The following PDZD2 variants were observed in gnomAD, a reference collection of about 807,000 sequenced individuals.
PDZD2 encodes PDZ domain containing 2.
PDZD2 carries 90 observed loss-of-function variants against 220.7 expected under a neutral mutation model. The observed-to-expected ratio is 0.41, with a 90% CI of 0.34 to 0.49. PDZD2 has a LOEUF of 0.49. Among genes scored for constraint, PDZD2 ranks in the 20% least tolerant of loss-of-function variants. The pLI is 0.28. For missense variants in PDZD2, 3,174 were observed against 3,608.5 expected (o/e 0.88, Z 3.08); for synonymous variants, 1,375 against 1,450.5 (o/e 0.95, Z 1.18).
At chr5:31,825,685 G>A (rs1756164963) in intron 2 of PDZD2, among the ~76,000 whole-genome samples, 1 of 152,136 alleles carries the variant, frequency 6.6e-6, no homozygotes, top group Non-Finnish European at 1.5e-5. Context: ...GCCTCTGGAG[G>A]GCACTATTCA....
chr5:32,064,743 G>A (rs1423125077), intron 14 of PDZD2, among the ~76,000 whole-genome samples: 1 of 151,194 alleles, frequency 6.6e-6, no homozygotes, highest in African/African-American at 2.4e-5. Flanking sequence ...CAAGGTGGGT[G>A]GATCACTTGA....
intron 1 of PDZD2, among the ~76,000 whole-genome samples, chr5:31,754,890 C>G (rs1321339829): frequency 2.6e-5 from 4 of 152,202 alleles, no homozygotes; most frequent in Admixed American, 2.6e-4. Context: ...CCTAGAACAA[C>G]ATTTGGTGTG....
intron 2 of PDZD2, among the ~76,000 whole-genome samples, chr5:31,815,242 T>C (rs868736652): frequency 1.6e-4 from 14 of 89,994 alleles, no homozygotes; most frequent in Middle Eastern, 7.6e-3. Context: ...CAAAACTCTG[T>C]CTCAAAAAAA....
Position 32,089,876 on chromosome 5 carries a change from A to T in PDZD2, c.6428A>T (p.His2143Leu). Reference sequence around the variant, plus strand: ...CAGGTCGCAGAATCATCCACAAGTCATCCATCCTCACTCCCATCTCATGCC... The same window carrying T: ...CAGGTCGCAGAATCATCCACAAGTCTTCCATCCTCACTCCCATCTCATGCC... ...YRQVAESSTS[H>L]PSSLPSHASQ... The change falls in exon 20 of 25, where the codon CAT becomes CTT. Residue 2143 changes from histidine (H) to leucine (L), a missense_variant. Physicochemically the swap from His to Leu is moderately conservative, Grantham distance 99. This residue lies in a region of PDZD2 where 1,861 missense variants were observed against 2,001.0 expected (regional missense o/e 0.93). Coordinates refer to ENST00000438447, the MANE Select transcript of PDZD2 (RefSeq NM_178140.4). The T allele has an allele frequency of 1.9e-6, 3 of 1,613,132 alleles. No individual in the cohort carries two copies. The highest frequency in any genetic ancestry group is 2.5e-6 in the Non-Finnish European group (3 of 1,179,378).
At chr5:31,649,767 G>T (rs755056137) in intron 1 of PDZD2, among the ~76,000 whole-genome samples, 1 of 151,562 alleles carries the variant, frequency 6.6e-6, no homozygotes, top group African/African-American at 2.4e-5. Context: ...GTGAAACCGC[G>T]TCTCTACTAA....
chr5:31,947,852 TGAGAGAGAGAAA>T (rs1746788308), intron 2 of PDZD2, among the ~76,000 whole-genome samples: 1 of 144,288 alleles, frequency 6.9e-6, no homozygotes, highest in Non-Finnish European at 1.5e-5. Flanking sequence ...ATGGGGACAG[TGAGAGAGAGAAA>T]GAGAGAGAGA....
At chr5:31,822,906 T>C (rs1755972060) in intron 2 of PDZD2, 4 of 868,634 alleles carry the variant, frequency 4.6e-6, no homozygotes, top group Non-Finnish European at 7.4e-6. Context: ...TCATGTTCTG[T>C]GCATAACTAC....
chr5:31,802,699 T>C (rs1754462456), intron 2 of PDZD2, among the ~76,000 whole-genome samples: 1 of 152,086 alleles, frequency 6.6e-6, no homozygotes, highest in Admixed American at 6.5e-5. Flanking sequence ...GGCGGGCAGA[T>C]CACAAGGTCA....
chr5:31,661,406 A>G (rs1182194037), intron 1 of PDZD2: 2 of 152,230 alleles, frequency 1.3e-5, no homozygotes, highest in Non-Finnish European at 2.9e-5. Flanking sequence ...AACAGCAGAT[A>G]CGCATCAAAA....
At chr5:31,690,736 C>A (rs995282096) in intron 1 of PDZD2, among the ~76,000 whole-genome samples, 3 of 152,176 alleles carry the variant, frequency 2.0e-5, no homozygotes, top group Non-Finnish European at 4.4e-5. Context: ...CCTGGATAAT[C>A]CAGGACAAGC....
chr5:31,984,541 C>T (rs760462764), intron 3 of PDZD2, among the ~76,000 whole-genome samples: 1 of 152,100 alleles, frequency 6.6e-6, no homozygotes, highest in Non-Finnish European at 1.5e-5. Context: ...TCAAAATGGG[C>T]GTAGGAGTAT....
intron 17 of PDZD2, 137 bp from the exon 18 acceptor site, chr5:32,073,695 G>C: frequency 1.4e-6 from 1 of 692,706 alleles, no homozygotes; most frequent in Non-Finnish European, 2.6e-6. Flanking sequence ...CCTAGGCCTT[G>C]TGTCCAGTGG....
intron 2 of PDZD2, among the ~76,000 whole-genome samples, chr5:31,980,078 A>G (rs1447883164): frequency 6.6e-6 from 1 of 152,202 alleles, no homozygotes; most frequent in Non-Finnish European, 1.5e-5. Context: ...ACATAACAGA[A>G]AATTCACCAT....
Position 31,749,866 on chromosome 5 carries a change from C to G in PDZD2, c.-360-49023C>G, listed in dbSNP as rs565353946. Among the ~76,000 whole-genome samples, 91 of 152,322 alleles carry G rather than the reference C, an allele frequency of 6.0e-4. 1 individual carries two copies. In the South Asian group the frequency reaches 0.019, roughly 31 times the overall value. On this transcript the variant is annotated intron_variant, in intron 1 of 24. Transcript: ENST00000438447. The stretch of plus-strand genomic sequence containing the variant: ...CCCCAGGTGAGCCGCGCGTGGCTTC[C>G]CCTTCCCGGTGAGGCTCTCAGTGGG...
chr5:31,722,229 C>T (rs1748850740), intron 1 of PDZD2, among the ~76,000 whole-genome samples: 1 of 152,136 alleles, frequency 6.6e-6, no homozygotes, highest in Non-Finnish European at 1.5e-5. Flanking sequence ...AAATTCAAGG[C>T]CTTGCATGAG....
At chr5:32,008,522 G>C (rs1753035486) in intron 5 of PDZD2, among the ~76,000 whole-genome samples, 1 of 152,040 alleles carries the variant, frequency 6.6e-6, no homozygotes, top group Admixed American at 6.6e-5. Flanking sequence ...CTGACCTCAG[G>C]TGATCCACCC....
intron 2 of PDZD2, chr5:31,855,163 C>T (rs1758335851): frequency 1.0e-6 from 1 of 968,156 alleles, no homozygotes; most frequent in South Asian, 4.8e-5. Flanking sequence ...GACTTCAGAA[C>T]TGGAGGTAGG....
intron 1 of PDZD2, among the ~76,000 whole-genome samples, chr5:31,753,466 G>A (rs1249447552): frequency 6.6e-6 from 1 of 152,192 alleles, no homozygotes; most frequent in African/African-American, 2.4e-5. Flanking sequence ...TGGGCATAGT[G>A]GCACGCACCT....
intron 2 of PDZD2, among the ~76,000 whole-genome samples, chr5:31,905,214 C>T (rs1199674262): frequency 6.6e-6 from 1 of 152,108 alleles, no homozygotes; most frequent in Non-Finnish European, 1.5e-5. Flanking sequence ...CTCCTGGCCT[C>T]AGGTGATCCA....
Sources: gnomAD v4.1 joint callset for allele counts (sites outside exome capture counted in the v4.1 genomes callset) on GRCh38, gnomAD v4.1.1 for gene constraint, gnomAD v4.1.1 regional missense constraint, MANE v1.5 for transcripts, NCBI Gene and HGNC (gene_info 2026-07-23, HGNC 2026-07-21) for gene names.